The following AKAP19 variants were observed in gnomAD, a reference collection of about 807,000 sequenced individuals.
The protein encoded by AKAP19 is small A-kinase anchoring protein.
At chr2:190,090,266 C>T in the AKAP19 span, among the ~76,000 whole-genome samples, 1 of 152,154 alleles carries the variant, frequency 6.6e-6, no homozygotes, top group Non-Finnish European at 1.5e-5. Flanking sequence ...ACACTCCTTT[C>T]ACAGTAAGTA....
the AKAP19 span, among the ~76,000 whole-genome samples, chr2:189,885,015 A>T: frequency 1.1e-3 from 164 of 152,368 alleles, 2 homozygotes; most frequent in Admixed American, 1.4e-3. Flanking sequence ...TTGGGAAGTC[A>T]GATTTATGTT....
At chr2:190,169,538 G>A in the AKAP19 span, among the ~76,000 whole-genome samples, 2 of 152,198 alleles carry the variant, frequency 1.3e-5, no homozygotes, top group African/African-American at 4.8e-5. Context: ...TAGAGAAAAG[G>A]TCCAAAATTT....
At chr2:189,926,008 C>G in the AKAP19 span, among the ~76,000 whole-genome samples, 1 of 152,158 alleles carries the variant, frequency 6.6e-6, no homozygotes. Flanking sequence ...CTTAATTATA[C>G]TGGATTGAGT....
At chr2:189,924,084 A>T in the AKAP19 span, 1 of 1,561,352 alleles carries the variant, frequency 6.4e-7, no homozygotes, top group African/African-American at 1.4e-5. Context: ...TCTGCTGAGG[A>T]GGGGGACCTA....
At chr2:190,175,495 G>A in the AKAP19 span, among the ~76,000 whole-genome samples, 1 of 152,144 alleles carries the variant, frequency 6.6e-6, no homozygotes, top group Admixed American at 6.5e-5. Flanking sequence ...CTCTTATTTG[G>A]AACTATTCCC....
At chr2:190,196,915 G>A in the AKAP19 span, among the ~76,000 whole-genome samples, 1 of 152,064 alleles carries the variant, frequency 6.6e-6, no homozygotes, top group Non-Finnish European at 1.5e-5. Flanking sequence ...TAGAAGACTG[G>A]GTGTTTATCA....
At chr2:190,054,805 G>A in the AKAP19 span, among the ~76,000 whole-genome samples, 59 of 152,180 alleles carry the variant, frequency 3.9e-4, no homozygotes, top group East Asian at 9.4e-3. Context: ...CTAGAATGGA[G>A]ATCATTAAAA....
the AKAP19 span, among the ~76,000 whole-genome samples, chr2:190,069,175 T>TGAGAGAGAGA: frequency 1.3e-3 from 156 of 123,534 alleles, no homozygotes; most frequent in Admixed American, 1.8e-3. Flanking sequence ...TGTGTGTGTG[T>TGAGAGAGAGA]GAGAGAGAGA....
At chr2:189,909,523 G>A in the AKAP19 span, among the ~76,000 whole-genome samples, 4 of 151,824 alleles carry the variant, frequency 2.6e-5, no homozygotes, top group Non-Finnish European at 4.4e-5. Context: ...GGTATCTATT[G>A]TAGGTTTTTG....
the AKAP19 span, among the ~76,000 whole-genome samples, chr2:190,067,570 G>C: frequency 1.3e-5 from 2 of 152,120 alleles, no homozygotes; most frequent in African/African-American, 2.4e-5. Context: ...CTACAAACTT[G>C]CAGGCAATCT....
At chr2:190,060,119 T>C in the AKAP19 span, 1 of 1,612,954 alleles carries the variant, frequency 6.2e-7, no homozygotes, top group Non-Finnish European at 8.5e-7. Context: ...CATTCTCATC[T>C]AAAGCTTTTA....
At chr2:189,976,029 G>A in the AKAP19 span, among the ~76,000 whole-genome samples, 3 of 152,166 alleles carry the variant, frequency 2.0e-5, no homozygotes, top group African/African-American at 4.8e-5. Context: ...GGTGAGAAGC[G>A]GCGTTCCTTG....
the AKAP19 span, among the ~76,000 whole-genome samples, chr2:190,105,536 T>C: frequency 2.6e-5 from 4 of 152,248 alleles, no homozygotes; most frequent in African/African-American, 9.6e-5. Flanking sequence ...GAGCTCTTTG[T>C]TGAAAAGTAC....
chr2:189,897,469 T>C, the AKAP19 span, among the ~76,000 whole-genome samples: 1 of 152,110 alleles, frequency 6.6e-6, no homozygotes, highest in Admixed American at 6.5e-5. Flanking sequence ...TTCTGTGAAG[T>C]TTGCTTTAGA....
chr2:190,188,702 C>G, the AKAP19 span, among the ~76,000 whole-genome samples: 1 of 152,204 alleles, frequency 6.6e-6, no homozygotes. Flanking sequence ...ATTTAAAGTA[C>G]TGTATTGTAA....
the AKAP19 span, chr2:190,200,209 C>A: frequency 7.2e-7 from 1 of 1,390,196 alleles, no homozygotes. Flanking sequence ...GTGACAAAAG[C>A]AAAAACTGGT....
the AKAP19 span, chr2:190,057,353 T>G: frequency 6.2e-7 from 1 of 1,613,658 alleles, no homozygotes; most frequent in African/African-American, 1.3e-5. Flanking sequence ...ATTGGAGACA[T>G]CTTTGTGGGA....
the AKAP19 span, among the ~76,000 whole-genome samples, chr2:190,038,935 T>TTCTTCTTCTTCC: frequency 4.2e-5 from 6 of 141,572 alleles, no homozygotes; most frequent in South Asian, 2.2e-4. Context: ...CTTCTTCTTC[T>TTCTTCTTCTTCC]TCTTCTTCTT....
chr2:189,881,178 CAT>C, the AKAP19 span, among the ~76,000 whole-genome samples: 1 of 152,050 alleles, frequency 6.6e-6, no homozygotes, highest in Non-Finnish European at 1.5e-5. Flanking sequence ...CCTTTACAAA[CAT>C]AAATAATCAA....
Sources: gnomAD v4.1 joint callset for allele counts (sites outside exome capture counted in the v4.1 genomes callset) on GRCh38, gnomAD v4.1.1 for gene constraint, MANE v1.5 for transcripts, NCBI Gene and HGNC (gene_info 2026-07-23, HGNC 2026-07-21) for gene names.